The following TULP4 variants were observed in gnomAD, a reference collection of about 807,000 sequenced individuals.
The protein encoded by TULP4 is TUB like protein 4.
In TULP4, 16 loss-of-function variants were observed where a neutral mutation model predicts 129.0. The ratio of observed to expected loss-of-function variants is 0.12; its 90% CI spans 0.08 to 0.19. The LOEUF (loss-of-function observed/expected upper bound fraction) is 0.19. Ranked by LOEUF, TULP4 falls within the 10% of genes least tolerant of loss-of-function variation. TULP4 has a pLI of 1.00. For synonymous variants in TULP4, 998 were observed against 854.0 expected (o/e 1.17, Z -2.94); for missense variants, 1,842 against 2,059.1 (o/e 0.89, Z 2.04).
At chr6:158,420,469 C>T (rs1270966670) in intron 2 of TULP4, among the ~76,000 whole-genome samples, 1 of 152,132 alleles carries the variant, frequency 6.6e-6, no homozygotes, top group Non-Finnish European at 1.5e-5. Flanking sequence ...GATAAGAGAT[C>T]CCTGTCTGTT....
chr6:158,233,214 A>G (rs1320353220), intron 1 of TULP4, among the ~76,000 whole-genome samples: 1 of 152,242 alleles, frequency 6.6e-6, no homozygotes, highest in Admixed American at 6.5e-5. Flanking sequence ...CCTTGTCATC[A>G]GAAAGTCTCT....
intron 1 of TULP4, among the ~76,000 whole-genome samples, chr6:158,357,077 C>G (rs932170986): frequency 1.3e-5 from 2 of 152,196 alleles, no homozygotes; most frequent in African/African-American, 4.8e-5. Flanking sequence ...CTGCCCACAG[C>G]CCCCAGGCCC....
At chr6:158,487,822 A>T (rs1367500660) in intron 8 of TULP4, among the ~76,000 whole-genome samples, 2 of 152,248 alleles carry the variant, frequency 1.3e-5, no homozygotes, top group African/African-American at 2.4e-5. Flanking sequence ...TCTTTGTCTC[A>T]TGCCACCCCT....
rs748840409 is a variant in TULP4, at chr6:158,502,616, G to A, written c.2953G>A (p.Ala985Thr). ...AQRSDNSLIHATLRRNNREAT... is the reference protein window; with the variant it reads ...AQRSDNSLIHTTLRRNNREAT... Reference sequence around the variant, plus strand: ...GAGGTCCGACAATAGCCTCATCCACGCTACCCTGCGGAGGAACAACCGTGA... The same window carrying A: ...GAGGTCCGACAATAGCCTCATCCACACTACCCTGCGGAGGAACAACCGTGA... Residue 985 changes from alanine to threonine, a missense_variant, in exon 13 of 14, where the codon GCT (alanine) becomes ACT (threonine). Ala to Thr is a moderately conservative substitution (Grantham distance 58, BLOSUM62 0). Coordinates refer to ENST00000367097, the MANE Select transcript of TULP4 (RefSeq NM_020245.5). 17 of 1,598,108 alleles carry A rather than the reference G, an allele frequency of 1.1e-5. 1 individual carries two copies. The highest frequency in any genetic ancestry group is 6.7e-5 in the Admixed American group (4 of 59,828).
At chr6:158,351,460 CTTG>C (rs377740661) in intron 1 of TULP4, among the ~76,000 whole-genome samples, 5 of 152,210 alleles carry the variant, frequency 3.3e-5, no homozygotes, top group African/African-American at 9.6e-5. Context: ...TTGAATAAGG[CTTG>C]TTGTTAAATT....
At position 158,481,047 on chromosome 6, in the gene TULP4, T is replaced by C; in HGVS notation, c.1252-8T>C. On this transcript the variant is annotated splice_region_variant and splice_polypyrimidine_tract_variant and intron_variant, in intron 7 of 13. Transcript: ENST00000367097. ...CCCAGCTCTTCATTTTCTTCCTGTA[T>C]CCTCCAGCCCCCAATTCCAGATCCG... 6.5e-7 allele frequency: 1 copy of C among 1,547,740 alleles called. No homozygotes were observed. The highest frequency in any genetic ancestry group is 8.7e-7 in the Non-Finnish European group (1 of 1,144,774).
At chr6:158,293,746 A>G (rs958922324) in intron 1 of TULP4, among the ~76,000 whole-genome samples, 1 of 152,370 alleles carries the variant, frequency 6.6e-6, no homozygotes, top group Non-Finnish European at 1.5e-5. Context: ...TCCTAGTCAT[A>G]CATTATTTAT....
intron 1 of TULP4, among the ~76,000 whole-genome samples, chr6:158,322,413 C>T (rs528089620): frequency 6.6e-6 from 1 of 152,162 alleles, no homozygotes; most frequent in African/African-American, 2.4e-5. Context: ...TTAGTTTACT[C>T]AAGTCAGTAG....
chr6:158,351,390 A>G (rs1398453517), intron 1 of TULP4, among the ~76,000 whole-genome samples: 1 of 152,156 alleles, frequency 6.6e-6, no homozygotes, highest in Non-Finnish European at 1.5e-5. Context: ...AGACTTGGTG[A>G]GAGTGTTAGC....
At chr6:158,484,133 G>T (rs1469413594) in intron 8 of TULP4, among the ~76,000 whole-genome samples, 1 of 151,270 alleles carries the variant, frequency 6.6e-6, no homozygotes, top group Non-Finnish European at 1.5e-5. Context: ...TCCATGTGTT[G>T]CCCAGGCTGG....
chr6:158,332,251 A>G (rs1156798138), intron 1 of TULP4, among the ~76,000 whole-genome samples: 4 of 148,214 alleles, frequency 2.7e-5, no homozygotes, highest in African/African-American at 1.0e-4. Context: ...GAGAAACAGT[A>G]AGATATAAAG....
At chr6:158,446,468 G>A (rs1779045676) in intron 3 of TULP4, among the ~76,000 whole-genome samples, 1 of 152,148 alleles carries the variant, frequency 6.6e-6, no homozygotes, top group Non-Finnish European at 1.5e-5. Context: ...GGAATTATAT[G>A]TATGTTCTTT....
chr6:158,421,233 G>A (rs1314634472), intron 2 of TULP4, among the ~76,000 whole-genome samples: 5 of 152,058 alleles, frequency 3.3e-5, no homozygotes, highest in African/African-American at 1.2e-4. Context: ...GTGGTGGCAC[G>A]CGCCTGTAGT....
At chr6:158,308,756 G>A (rs1325175531), upstream of TULP4, among the ~76,000 whole-genome samples, 2 of 145,670 alleles carry the variant, frequency 1.4e-5, no homozygotes, top group Admixed American at 1.3e-4. Context: ...CCGGGCGGGG[G>A]GCTGACCCCC....
intron 5 of TULP4, among the ~76,000 whole-genome samples, chr6:158,456,976 G>T (rs1021326760): frequency 2.6e-5 from 4 of 152,132 alleles, no homozygotes; most frequent in African/African-American, 9.7e-5. Context: ...TTTACATGTG[G>T]TATGAATAGC....
chr6:158,294,075 G>A (rs78206153), intron 1 of TULP4, among the ~76,000 whole-genome samples: 1,875 of 152,248 alleles, frequency 0.012, 22 homozygotes, highest in Admixed American at 0.026. Context: ...TTAGAAGCAG[G>A]TCATCGGGCC....
intron 1 of TULP4, among the ~76,000 whole-genome samples, chr6:158,245,641 C>T (rs1197755522): frequency 1.3e-5 from 2 of 151,908 alleles, no homozygotes; most frequent in African/African-American, 2.4e-5. Flanking sequence ...GATATATGTA[C>T]ATAGTAAAGA....
intron 1 of TULP4, among the ~76,000 whole-genome samples, chr6:158,331,912 C>A (rs576052341): frequency 7.4e-4 from 110 of 149,054 alleles, no homozygotes; most frequent in African/African-American, 2.5e-3. Flanking sequence ...TGGCTCACGC[C>A]TGTAATCCCA....
intron 8 of TULP4, among the ~76,000 whole-genome samples, chr6:158,482,660 TG>T (rs965336260): frequency 4.6e-5 from 7 of 152,156 alleles, no homozygotes; most frequent in African/African-American, 1.7e-4. Context: ...GTGGGGGCCG[TG>T]GGACAGGCCC....
Sources: gnomAD v4.1 joint callset for allele counts (sites outside exome capture counted in the v4.1 genomes callset) on GRCh38, gnomAD v4.1.1 for gene constraint, MANE v1.5 for transcripts, NCBI Gene and HGNC (gene_info 2026-07-23, HGNC 2026-07-21) for gene names.